PRPF6: variants seen among roughly 807,000 people sequenced by gnomAD.
PRPF6 encodes the protein pre-mRNA processing factor 6.
A neutral mutation model predicts 118.3 loss-of-function variants in PRPF6; 42 were observed. That is an observed-to-expected ratio of 0.35 (90% CI 0.28 to 0.46). The LOEUF is 0.46. Among genes scored for constraint, PRPF6 ranks in the 20% least tolerant of loss-of-function variants. The pLI is 1.00. For missense variants in PRPF6, 662 were observed against 1,255.7 expected, an observed-to-expected ratio of 0.53 and a Z score of 7.15; for synonymous variants, 481 against 485.1, an observed-to-expected ratio of 0.99 and a Z score of 0.11.
chr20:64,014,840 T>A (rs138037283), intron 11 of PRPF6, among the ~76,000 whole-genome samples: 189 of 152,194 alleles, frequency 1.2e-3, no homozygotes, highest in African/African-American at 4.4e-3. Context: ...AATGCTACGA[T>A]GAAAGTGAAA....
At chr20:64,009,761 C>T (rs1277367435) in intron 9 of PRPF6, among the ~76,000 whole-genome samples, 3 of 152,126 alleles carry the variant, frequency 2.0e-5, no homozygotes, top group African/African-American at 7.2e-5. Context: ...GCAGAAAGTC[C>T]CCTGGTGCCT....
intron 4 of PRPF6, among the ~76,000 whole-genome samples, chr20:63,994,231 C>A (rs1160010995): frequency 3.3e-5 from 5 of 150,066 alleles, no homozygotes; most frequent in Non-Finnish European, 5.9e-5. Context: ...GATCTCAGCT[C>A]ACCGCAACCT....
chr20:63,983,137 A>G lies in PRPF6; in HGVS notation c.162A>G (p.Arg54=). The G allele has an allele frequency of 6.2e-7, 1 of 1,614,176 alleles. No homozygotes were observed. The highest frequency in any genetic ancestry group is 8.5e-7 in the Non-Finnish European group (1 of 1,180,042). Residue 54 remains arginine (R), a synonymous_variant, in exon 2 of 21, where the codon AGA becomes AGG. Coordinates refer to ENST00000266079, the MANE Select transcript of PRPF6 (RefSeq NM_012469.4). ...VDDRHAPPGK[R]TVGDQMKKNQ... ...ATCGCCATGCACCCCCAGGCAAGAGAACCGTTGGGGACCAGATGAAGAAAA... is the reference window on the plus strand; with the variant it reads ...ATCGCCATGCACCCCCAGGCAAGAGGACCGTTGGGGACCAGATGAAGAAAA...
At chr20:64,010,147 T>C (rs1175389289) in intron 9 of PRPF6, 53 bp from the exon 10 acceptor site, 2 of 1,479,560 alleles carry the variant, frequency 1.4e-6, no homozygotes, top group Admixed American at 3.3e-5. Flanking sequence ...CACATGAGCC[T>C]CCTGTTTTTA....
In PRPF6 at chr20:64,027,309, T is replaced by G. The variant is rs2059295376; in HGVS notation, c.2205+151T>G. On this transcript the variant is annotated intron_variant, in intron 16 of 20. Transcript: ENST00000266079. This position sits in a 1 kb window ranked among gnomAD's most constrained non-coding sequence, Gnocchi z 6.5. ...AGCTGCAGACTCAGGACCCAAACCC[T>G]GGTCCCCTCGCTGAGTTCTGTGCTT... 1 of 1,100,226 alleles carries G rather than the reference T, an allele frequency of 9.1e-7. No individual in the cohort carries two copies. The highest frequency in any genetic ancestry group is 1.3e-6 in the Non-Finnish European group (1 of 751,952). 68.2% of individuals were successfully genotyped at this position (1,100,226 alleles called of 1,614,324 possible).
chr20:64,002,280 C>A (rs1462323991), intron 9 of PRPF6, among the ~76,000 whole-genome samples: 6 of 151,444 alleles, frequency 4.0e-5, no homozygotes, highest in Non-Finnish European at 7.4e-5. Flanking sequence ...CTCGGCCTCC[C>A]AAAGTGCTGG....
Position 64,024,599 on chromosome 20 carries a change from C to G in PRPF6, c.1814C>G (p.Pro605Arg). The part of the protein sequence containing the change: ...ALLQRAVAHC[P>R]KAEVLWLMGA... ...CTGCAGAGGGCTGTGGCCCACTGCC[C>G]CAAAGCAGAGGTGCTGTGGCTCATG... Residue 605 changes from proline (P) to arginine (R), a missense_variant, in exon 14 of 21, where the codon CCC becomes CGC. Pro to Arg is a moderately radical substitution (Grantham distance 103, BLOSUM62 -2). This residue lies in a region of PRPF6 where 15 missense variants were observed against 66.5 expected (regional missense o/e 0.23). Coordinates refer to ENST00000266079, the MANE Select transcript of PRPF6 (RefSeq NM_012469.4). 6.2e-7 allele frequency: 1 copy of G among 1,613,704 alleles called. No homozygotes were observed. The highest frequency in any genetic ancestry group is 1.3e-5 in the African/African-American group (1 of 75,068).
In PRPF6 at chr20:64,026,536, C is replaced by T. The variant is rs1036042615; in HGVS notation, c.2029-446C>T. On this transcript the variant is annotated intron_variant, in intron 15 of 20. Coordinates refer to ENST00000266079, the MANE Select transcript of PRPF6 (RefSeq NM_012469.4). The surrounding 1 kb of genome is among the most constrained non-coding windows in gnomAD (Gnocchi z 4.4). ...AACAACAACAACAAACATGTTCATA[C>T]GGCCGGGTGTGGTGGCTCACGCCTG... Among the ~76,000 whole-genome samples the T allele has an allele frequency of 6.5e-5, 9 of 139,168 alleles. No homozygotes were observed. Among genetic ancestry groups the T allele is most frequent in the Non-Finnish European group, 9.3e-5 (6 of 64,576 alleles). The allele number at this position is 139,168 out of a possible 152,430, so 91.3% of individuals were successfully genotyped here. A position where few individuals can be genotyped will look rare whatever the true frequency, so the allele number is the denominator to read the frequency against.
rs551300297 is a variant in PRPF6 at position 64,010,204 on chromosome 20, C to G, written c.1191C>G (p.Leu397=). 6.2e-7 allele frequency: 1 copy of G among 1,613,878 alleles called. No individual in the cohort carries two copies. Among genetic ancestry groups the G allele is most frequent in the Non-Finnish European group, 8.5e-7 (1 of 1,179,784 alleles). Reference sequence around the variant, plus strand: ...TTCTCGTTTGACCTTTCCTAGCCCTCGAGCATGTTCCAAACTCGGTTCGCT... The same window carrying G: ...TTCTCGTTTGACCTTTCCTAGCCCTGGAGCATGTTCCAAACTCGGTTCGCT... ...RAKKRVLRKA[L]EHVPNSVRLW... is the part of the protein sequence containing the mutation. The change falls in exon 10 of 21, where the codon CTC becomes CTG. Residue 397 remains leucine (L), a synonymous_variant. Coordinates refer to ENST00000266079, the MANE Select transcript of PRPF6 (RefSeq NM_012469.4).
chr20:63,999,535 C>G (rs1375095320), intron 7 of PRPF6, 68 bp from the exon 8 acceptor site: 9 of 1,597,224 alleles, frequency 5.6e-6, no homozygotes, highest in Admixed American at 5.0e-5. Context: ...AGTGGGTGCC[C>G]TCATCCCAGG....
intron 9 of PRPF6, among the ~76,000 whole-genome samples, chr20:64,002,124 T>C (rs1328547162): frequency 1.5e-5 from 2 of 132,246 alleles, no homozygotes; most frequent in East Asian, 2.6e-4. Context: ...GTTCACACCA[T>C]TCTCCTGCCT....
In PRPF6 at chr20:64,024,681, C is replaced by T; in HGVS notation, c.1896C>T (p.Ala632=). ...GDVPAARSIL[A]LAFQANPNSE... ...TGCCTGCAGCAAGGAGCATCCTGGCCCTGGCCTTCCAGGTGGGTGAGGGTT... is the reference window on the plus strand; with the variant it reads ...TGCCTGCAGCAAGGAGCATCCTGGCTCTGGCCTTCCAGGTGGGTGAGGGTT... The change falls in exon 14 of 21, where the codon GCC becomes GCT. Residue 632 remains alanine (A), a synonymous_variant. Transcript: ENST00000266079. 1 of 1,612,690 alleles carries T rather than the reference C, an allele frequency of 6.2e-7. No homozygotes were observed. The highest frequency in any genetic ancestry group is 8.5e-7 in the Non-Finnish European group (1 of 1,179,862).
In PRPF6 at chr20:63,999,681, A is replaced by G. The variant is rs759797175; in HGVS notation, c.945A>G (p.Ser315=). 1 of 1,614,178 alleles carries G rather than the reference A, an allele frequency of 6.2e-7. No homozygotes were observed. Among genetic ancestry groups the G allele is most frequent in the Middle Eastern group, 1.7e-4 (1 of 6,052 alleles). ...ATCACCCGCCAGCCTGGATTGCATCAGCCCGCCTGGAAGAAGTCACTGGGA... is the reference window on the plus strand; with the variant it reads ...ATCACCCGCCAGCCTGGATTGCATCGGCCCGCCTGGAAGAAGTCACTGGGA... ...NPHHPPAWIA[S]ARLEEVTGKL... Residue 315 remains serine, a synonymous_variant, in exon 8 of 21, where the codon TCA becomes TCG. Transcript: ENST00000266079.
chr20:64,025,888 G>A (rs746187368), intron 14 of PRPF6, 51 bp from the exon 15 acceptor site: 36 of 1,612,896 alleles, frequency 2.2e-5, no homozygotes, highest in East Asian at 2.2e-4. Flanking sequence ...GTGATCAGGC[G>A]CTGGTCCCTG....
In PRPF6 at chr20:64,028,713, G is replaced by A. The variant is rs1344156109; in HGVS notation, c.2431+144G>A. On this transcript the variant is annotated intron_variant, in intron 18 of 20. Transcript: ENST00000266079. The surrounding 1 kb of genome is among the most constrained non-coding windows in gnomAD (Gnocchi z 6.5). Reference sequence around the variant, plus strand: ...GGGAGTGGGGGCTCAGGCTTCAGACGGACTTTATTAAAATGTGTAGTTTGT... The same window carrying A: ...GGGAGTGGGGGCTCAGGCTTCAGACAGACTTTATTAAAATGTGTAGTTTGT... 4.8e-6 allele frequency: 4 copies of A among 833,836 alleles called. No individual in the cohort carries two copies. Among genetic ancestry groups the A allele is most frequent in the East Asian group, 2.7e-5 (1 of 37,176 alleles). 51.7% of individuals were successfully genotyped at this position (833,836 alleles called of 1,614,324 possible).
chr20:63,990,116 AGT>A (rs1045075043), intron 3 of PRPF6, among the ~76,000 whole-genome samples: 1 of 152,002 alleles, frequency 6.6e-6, no homozygotes, highest in African/African-American at 2.4e-5. Context: ...AGCCTCCCAA[AGT>A]GTTGGAATTA....
chr20:64,016,939 CTT>C (rs371911604), intron 12 of PRPF6, 94 bp downstream of exon 12: 15,647 of 1,240,696 alleles, frequency 0.013, 4 homozygotes, highest in Non-Finnish European at 0.015. Flanking sequence ...TTTTAAAACT[CTT>C]TTTTTTTTTT....
chr20:63,995,559 T>G (rs1601514247), intron 6 of PRPF6, 77 bp downstream of exon 6: 2 of 1,551,674 alleles, frequency 1.3e-6, no homozygotes, highest in East Asian at 2.2e-5. Context: ...TTTCTCCTTC[T>G]TCTTCTTCTC....
chr20:64,027,056 C>T lies in PRPF6; in HGVS notation c.2103C>T (p.Ala701=). ...IRAAQDLCEE[A]LRHYEDFPKL... ...CAGCCCAAGATCTGTGCGAGGAGGCCCTGCGGCACTATGAGGACTTCCCCA... is the reference window on the plus strand; with the variant it reads ...CAGCCCAAGATCTGTGCGAGGAGGCTCTGCGGCACTATGAGGACTTCCCCA... Residue 701 remains alanine (A), a synonymous_variant, in exon 16 of 21, where the codon GCC becomes GCT. Transcript: ENST00000266079. This position sits in a 1 kb window ranked among gnomAD's most constrained non-coding sequence, Gnocchi z 6.5. 6.2e-7 allele frequency: 1 copy of T among 1,614,002 alleles called. No individual in the cohort carries two copies. Among genetic ancestry groups the T allele is most frequent in the South Asian group, 1.1e-5 (1 of 91,072 alleles).
Sources: allele counts gnomAD v4.1 joint callset (sites outside exome capture counted in the v4.1 genomes callset), GRCh38; gene constraint gnomAD v4.1.1; regional missense constraint gnomAD v4.1.1; non-coding constraint Gnocchi (gnomAD v3.1); transcripts MANE v1.5; gene names NCBI Gene and HGNC (gene_info 2026-07-23, HGNC 2026-07-21).